Variants in KCNN2 observed in about 807,000 individuals in gnomAD.
KCNN2 encodes small conductance calcium-activated potassium channel protein 2.
KCNN2 carries 24 observed loss-of-function variants against 55.5 expected under a neutral mutation model. That is an observed-to-expected ratio of 0.43 (90% confidence interval 0.31 to 0.61). The LOEUF is 0.61. Ranked by LOEUF, KCNN2 falls within the 20% of genes least tolerant of loss-of-function variation. The pLI is 0.08. For synonymous variants in KCNN2, 431 were observed against 336.1 expected (o/e 1.28, Z -3.09); for missense variants, 754 against 853.6 (o/e 0.88, Z 1.45).
rs1491243670 is a variant in KCNN2, at chr5:114,157,849, GGT to G, written c.-270-63630_-270-63629del. ...ATTTCCTTTGCCCACTTTTTGATGG[GGT>G]TTTTTTTTTTCTTGTAAATTTGTTT... On this transcript the variant is annotated intron_variant, in intron 1 of 10. Coordinates refer to the KCNN2 transcript ENST00000512097. Among the ~76,000 whole-genome samples, 189 of 150,060 alleles carry G rather than the reference GGT, an allele frequency of 1.3e-3. 3 individuals are homozygous for G. In the East Asian group the frequency reaches 0.028, roughly 22 times the overall value.
In KCNN2 at chr5:114,190,496, A is replaced by C. The variant is rs562522457; in HGVS notation, c.-270-30984A>C. 4.1e-3 allele frequency among the ~76,000 whole-genome samples: 622 copies of C among 152,318 alleles called. 6 individuals are homozygous for C. The highest frequency in any genetic ancestry group is 6.9e-3 in the Admixed American group (106 of 15,296). On this transcript the variant is annotated intron_variant, in intron 1 of 10. Coordinates refer to the KCNN2 transcript ENST00000512097. Reference sequence around the variant, plus strand: ...ATATAGGGTGTAATGCCATTTATTTACATTCATAAGCACAAAAACTAGTAT... The same window carrying C: ...ATATAGGGTGTAATGCCATTTATTTCCATTCATAAGCACAAAAACTAGTAT...
intron 3 of KCNN2, among the ~76,000 whole-genome samples, chr5:114,443,187 A>T (rs377154460): frequency 1.0e-3 from 159 of 152,104 alleles, no homozygotes; most frequent in African/African-American, 3.6e-3. Context: ...GCTACTGAGG[A>T]GGCTGAGGCA....
intron 2 of KCNN2, among the ~76,000 whole-genome samples, chr5:114,320,185 C>T (rs189781834): frequency 6.6e-6 from 1 of 152,204 alleles, no homozygotes; most frequent in Admixed American, 6.5e-5. Context: ...GGGTGAATTT[C>T]ATAGAGTAAA....
intron 2 of KCNN2, among the ~76,000 whole-genome samples, chr5:114,244,619 G>A (rs529513787): frequency 3.8e-4 from 57 of 151,704 alleles, no homozygotes; most frequent in South Asian, 3.1e-3. Flanking sequence ...GTTATTGGGG[G>A]GAGTGTGGAG....
rs537045033 is a variant in KCNN2 at position 114,329,673 on chromosome 5, T to A, written c.-184-31272T>A. ...AGATGGCCTATTGTGGGACTTTACCTTGTGACTGTGTGAGTCAATACTCCT... is the reference window on the plus strand; with the variant it reads ...AGATGGCCTATTGTGGGACTTTACCATGTGACTGTGTGAGTCAATACTCCT... On this transcript the variant is annotated intron_variant, in intron 2 of 10. Coordinates refer to the KCNN2 transcript ENST00000512097. Among the ~76,000 whole-genome samples the A allele has an allele frequency of 9.8e-4, 149 of 152,310 alleles. 1 individual carries two copies. In the Middle Eastern group the frequency reaches 0.01, roughly 10 times the overall value.
chr5:114,445,713 A>G (rs1413846230), intron 3 of KCNN2, among the ~76,000 whole-genome samples: 4 of 152,254 alleles, frequency 2.6e-5, no homozygotes, highest in Non-Finnish European at 4.4e-5. Context: ...TAAACAATAT[A>G]TAAAATTATC....
At chr5:114,436,540 C>T (rs1032659370) in intron 3 of KCNN2, among the ~76,000 whole-genome samples, 5 of 152,110 alleles carry the variant, frequency 3.3e-5, no homozygotes, top group African/African-American at 1.2e-4. Context: ...TGACTTTGGC[C>T]TTGCTATTTA....
intron 1 of KCNN2, among the ~76,000 whole-genome samples, chr5:114,087,380 G>A (rs1214568931): frequency 6.6e-6 from 1 of 152,004 alleles, no homozygotes; most frequent in Non-Finnish European, 1.5e-5. Context: ...GTGTTTACTA[G>A]GTTTTCTTCT....
intron 1 of KCNN2, among the ~76,000 whole-genome samples, chr5:114,176,500 ATACTT>A (rs147821232): frequency 0.017 from 2,541 of 152,284 alleles, 73 homozygotes; most frequent in African/African-American, 0.058. Flanking sequence ...AGTTGCTCAA[ATACTT>A]TACATTCTAA....
chr5:114,319,539 A>G (rs752831109), intron 2 of KCNN2, among the ~76,000 whole-genome samples: 5 of 152,304 alleles, frequency 3.3e-5, no homozygotes, highest in Non-Finnish European at 7.4e-5. Context: ...GCCCATAAAT[A>G]TATTTAAAGC....
chr5:114,189,436 A>T (rs2112561407), intron 1 of KCNN2, among the ~76,000 whole-genome samples: 2 of 152,250 alleles, frequency 1.3e-5, no homozygotes, highest in East Asian at 3.9e-4. Context: ...GAGGCCACCC[A>T]CATTAGGGAG....
intron 2 of KCNN2, among the ~76,000 whole-genome samples, chr5:114,388,883 G>C (rs182424008): frequency 3.2e-4 from 49 of 152,198 alleles, no homozygotes; most frequent in Middle Eastern, 3.4e-3. Flanking sequence ...TGATTTTACA[G>C]CCCTTCTGCA....
chr5:114,427,438 G>A (rs933180345), intron 3 of KCNN2, among the ~76,000 whole-genome samples: 2 of 152,166 alleles, frequency 1.3e-5, no homozygotes, highest in Non-Finnish European at 2.9e-5. Flanking sequence ...GGTGATAGAT[G>A]ACGCAGACAG....
chr5:114,446,079 T>A (rs1368452340), intron 3 of KCNN2, among the ~76,000 whole-genome samples: 1 of 152,214 alleles, frequency 6.6e-6, no homozygotes, highest in Non-Finnish European at 1.5e-5. Flanking sequence ...CAGTACTTGG[T>A]ACAGTCTTCC....
intron 1 of KCNN2, among the ~76,000 whole-genome samples, chr5:114,126,162 C>A (rs1751926585): frequency 6.6e-6 from 1 of 152,054 alleles, no homozygotes; most frequent in Non-Finnish European, 1.5e-5. Context: ...ATAAGGACAC[C>A]AGTGATACTG....
chr5:114,387,812 G>T (rs1479463543), intron 2 of KCNN2, among the ~76,000 whole-genome samples: 1 of 152,176 alleles, frequency 6.6e-6, no homozygotes, highest in Non-Finnish European at 1.5e-5. Context: ...TTCATTCTCA[G>T]AGGCTTTCTA....
intron 5 of KCNN2, among the ~76,000 whole-genome samples, chr5:114,476,862 C>T (rs1441865296): frequency 1.3e-5 from 2 of 152,120 alleles, no homozygotes; most frequent in Admixed American, 6.5e-5. Context: ...AAATAATAGC[C>T]ATTTTATAGT....
chr5:114,349,437 T>TA (rs2150039610), intron 2 of KCNN2, among the ~76,000 whole-genome samples: 1 of 152,208 alleles, frequency 6.6e-6, no homozygotes, highest in South Asian at 2.1e-4. Flanking sequence ...CAAAATTACT[T>TA]ATTGTATAAA....
At chr5:114,149,540 G>C (rs1030937610) in intron 1 of KCNN2, among the ~76,000 whole-genome samples, 3 of 152,154 alleles carry the variant, frequency 2.0e-5, no homozygotes, top group East Asian at 1.9e-4. Context: ...ATTAAGTTTA[G>C]TGAGGGCGGG....
Sources: gnomAD v4.1 joint callset for allele counts (sites outside exome capture counted in the v4.1 genomes callset) on GRCh38, gnomAD v4.1.1 for gene constraint, MANE v1.5 for transcripts, NCBI Gene and HGNC (gene_info 2026-07-23, HGNC 2026-07-21) for gene names.